The following PPHLN1 variants were observed in gnomAD, a reference collection of about 807,000 sequenced individuals.
The protein encoded by PPHLN1 is periphilin-1.
Under a neutral mutation model 51.3 loss-of-function variants are expected in PPHLN1, and 29 were observed. The ratio of observed to expected loss-of-function variants is 0.57; its 90% CI spans 0.42 to 0.77. The LOEUF is 0.77. Ranked by LOEUF, PPHLN1 falls within the 30% of genes least tolerant of loss-of-function variation. The pLI, the probability that PPHLN1 is intolerant of heterozygous loss-of-function variation, is 0.00. For missense variants in PPHLN1, 436 were observed against 438.4 expected (o/e 0.99, Z 0.05); for synonymous variants, 147 against 147.8 (o/e 0.99, Z 0.04).
intron 5 of PPHLN1, among the ~76,000 whole-genome samples, chr12:42,383,950 C>T (rs2076970795): frequency 7.4e-6 from 1 of 134,702 alleles, no homozygotes; most frequent in African/African-American, 2.7e-5. Context: ...CGCCACTGCA[C>T]TCCAGCCTGG....
chr12:42,425,631 C>T (rs2081390567), intron 9 of PPHLN1, among the ~76,000 whole-genome samples: 1 of 152,022 alleles, frequency 6.6e-6, no homozygotes. Context: ...TTGTGATCCA[C>T]CTGCCTCGGC....
intron 3 of PPHLN1, 41 bp from the exon 4 acceptor site, chr12:42,355,120 A>G: frequency 6.3e-7 from 1 of 1,590,956 alleles, no homozygotes; most frequent in East Asian, 2.2e-5. Flanking sequence ...CTTGTCCAAA[A>G]TAATGTAAAC....
Position 42,346,453 on chromosome 12 carries a change from T to C in PPHLN1, c.73-5432T>C, listed in dbSNP as rs1360135305. On this transcript the variant is annotated intron_variant, in intron 2 of 9. Coordinates refer to ENST00000358314, the MANE Select transcript of PPHLN1 (RefSeq NM_201439.2). Reference sequence around the variant, plus strand: ...AAGGATGAATAATATTCCACTAATATATTTATATACCAGATTTTCTTGATC... The same window carrying C: ...AAGGATGAATAATATTCCACTAATACATTTATATACCAGATTTTCTTGATC... Among the ~76,000 whole-genome samples, 3 of 152,180 alleles carry C rather than the reference T, an allele frequency of 2.0e-5. No homozygotes were observed. In the South Asian group the frequency reaches 6.2e-4, roughly 31 times the overall value.
downstream of PPHLN1, chr12:42,446,481 C>CA (rs1365925398): frequency 3.4e-4 from 471 of 1,375,674 alleles, no homozygotes; most frequent in African/African-American, 1.4e-3. Flanking sequence ...GAAGGATATG[C>CA]AAAAAAAAAT....
chr12:42,327,216 C>T (rs2068930935), intron 1 of PPHLN1, among the ~76,000 whole-genome samples: 1 of 152,168 alleles, frequency 6.6e-6, no homozygotes, highest in South Asian at 2.1e-4. Flanking sequence ...TTCGTTTCTT[C>T]CCCATTTAAC....
At chr12:42,390,945 C>T (rs930226375) in intron 7 of PPHLN1, among the ~76,000 whole-genome samples, 1 of 151,346 alleles carries the variant, frequency 6.6e-6, no homozygotes, top group Admixed American at 6.6e-5. Flanking sequence ...TGATTACAGG[C>T]GTGAGCCACT....
chr12:42,355,162 A>G lies in PPHLN1; in HGVS notation c.239A>G (p.Asp80Gly), dbSNP rs768712353. Residue 80 changes from aspartate (D) to glycine (G), a missense_variant and splice_region_variant, in exon 4 of 10, where the codon GAT (aspartate) becomes GGT (glycine). By Grantham distance (94) the Asp-to-Gly change is moderately conservative. Coordinates refer to ENST00000358314, the MANE Select transcript of PPHLN1 (RefSeq NM_201439.2). ...CTAAGTAGCTTTTTTATGTTACAGG[A>G]TGAATCTGGTTATAGATGGACAAGA... ...DRRSGPPHRG[D>G]ESGYRWTRDD... is the part of the protein sequence containing the mutation. The G allele has an allele frequency of 2.5e-6, 4 of 1,613,528 alleles. No individual in the cohort carries two copies. The highest frequency in any genetic ancestry group is 3.4e-6 in the Non-Finnish European group (4 of 1,179,690).
At chr12:42,425,856 T>C (rs2081412908) in intron 9 of PPHLN1, among the ~76,000 whole-genome samples, 1 of 152,160 alleles carries the variant, frequency 6.6e-6, no homozygotes, top group Non-Finnish European at 1.5e-5. Flanking sequence ...ATTTTAATAT[T>C]GAAAGAAATG....
At chr12:42,418,320 A>G (rs1306716645) in intron 9 of PPHLN1, among the ~76,000 whole-genome samples, 1 of 150,430 alleles carries the variant, frequency 6.6e-6, no homozygotes. Flanking sequence ...AAAGATGAGC[A>G]CTGCAGAATA....
At chr12:42,431,910 C>A (rs1284408282) in intron 9 of PPHLN1, 1 of 1,586,498 alleles carries the variant, frequency 6.3e-7, no homozygotes, top group South Asian at 1.1e-5. Flanking sequence ...CTTCATCAGT[C>A]CTTCGTCTAC....
At chr12:42,418,821 A>T (rs1235004065) in intron 9 of PPHLN1, among the ~76,000 whole-genome samples, 2 of 152,080 alleles carry the variant, frequency 1.3e-5, no homozygotes, top group African/African-American at 2.4e-5. Context: ...CTAAAAAGAG[A>T]GTTTCCTGAG....
chr12:42,332,230 A>C (rs973396929), intron 1 of PPHLN1, among the ~76,000 whole-genome samples: 8 of 152,134 alleles, frequency 5.3e-5, no homozygotes, highest in African/African-American at 1.9e-4. Context: ...AGAAAATTGC[A>C]AGTTTCCATT....
intron 9 of PPHLN1, among the ~76,000 whole-genome samples, chr12:42,436,395 A>G (rs893444100): frequency 3.3e-5 from 5 of 152,202 alleles, no homozygotes; most frequent in Non-Finnish European, 5.9e-5. Context: ...GCTAAAGATT[A>G]TAAAATCAAT....
downstream of PPHLN1, chr12:42,445,126 A>G: frequency 8.5e-6 from 6 of 702,344 alleles, no homozygotes; most frequent in South Asian, 1.5e-5. Context: ...TAATTGCTAA[A>G]TCAATGTACA....
chr12:42,387,508 A>G lies in PPHLN1; in HGVS notation c.621A>G (p.Ser207=), dbSNP rs779125538. The change falls in exon 7 of 10, where the codon TCA becomes TCG. Residue 207 remains serine, a synonymous_variant. Transcript: ENST00000358314. ...AAACATCAAGAGATACTTCACCCTC[A>G]AGTGGTTCAGCAGTTTCTTCATCAA... ...SLKTSRDTSP[S]SGSAVSSSKV... is the part of the protein sequence containing the mutation. The G allele has an allele frequency of 6.2e-7, 1 of 1,613,504 alleles. No homozygotes were observed.
At chr12:42,340,198 C>T (rs1259489121) in intron 2 of PPHLN1, among the ~76,000 whole-genome samples, 3 of 150,882 alleles carry the variant, frequency 2.0e-5, no homozygotes, top group African/African-American at 4.9e-5. Context: ...GTCCCACCTA[C>T]ATTGGGAAGC....
chr12:42,415,674 T>C (rs2080313554), intron 9 of PPHLN1, among the ~76,000 whole-genome samples: 1 of 152,228 alleles, frequency 6.6e-6, no homozygotes, highest in African/African-American at 2.4e-5. Context: ...ATCACTCTGA[T>C]TTTTTGCTTT....
chr12:42,334,589 A>G (rs949641024), intron 1 of PPHLN1, among the ~76,000 whole-genome samples: 1 of 152,214 alleles, frequency 6.6e-6, no homozygotes, highest in Non-Finnish European at 1.5e-5. Context: ...GTATTACATT[A>G]TAAGGAGCCA....
At chr12:42,441,181 G>T in intron 9 of PPHLN1, 134 bp from the exon 10 acceptor site, 1 of 1,252,588 alleles carries the variant, frequency 8.0e-7, no homozygotes, top group South Asian at 1.8e-5. Context: ...ACAATGCAAG[G>T]GCGAGAAAGG....
Sources: allele counts gnomAD v4.1 joint callset (sites outside exome capture counted in the v4.1 genomes callset), GRCh38; gene constraint gnomAD v4.1.1; transcripts MANE v1.5; gene names NCBI Gene and HGNC (gene_info 2026-07-23, HGNC 2026-07-21).